ARFGEF1: variants seen among roughly 807,000 people sequenced by gnomAD.
The protein encoded by ARFGEF1 is brefeldin A-inhibited guanine nucleotide-exchange protein 1.
Under a neutral mutation model 231.0 loss-of-function variants are expected in ARFGEF1, and 42 were observed. The observed-to-expected ratio is 0.18, with a 90% CI of 0.14 to 0.24. The LOEUF (loss-of-function observed/expected upper bound fraction) is 0.24. Among genes scored for constraint, ARFGEF1 ranks in the 10% least tolerant of loss-of-function variants. The pLI, the probability that ARFGEF1 is intolerant of heterozygous loss-of-function variation, is 1.00. For synonymous variants in ARFGEF1, 710 were observed against 732.3 expected (o/e 0.97, Z 0.49); for missense variants, 1,345 against 2,192.0 (o/e 0.61, Z 7.72).
chr8:67,313,135 C>T (rs977290955), intron 1 of ARFGEF1, among the ~76,000 whole-genome samples: 3 of 152,126 alleles, frequency 2.0e-5, no homozygotes, highest in Admixed American at 6.6e-5. Flanking sequence ...ATAGTGTGCA[C>T]CTGGAATCCC....
chr8:67,288,995 C>T (rs773755896), intron 6 of ARFGEF1, among the ~76,000 whole-genome samples: 3 of 151,860 alleles, frequency 2.0e-5, no homozygotes, highest in Non-Finnish European at 2.9e-5. Context: ...CAGATAACTG[C>T]CAATCGAACT....
rs1838757775 is a variant in ARFGEF1 at position 67,211,684 on chromosome 8, ACGCTATTTTAAAAAATTATATTATGT to A, written c.4687-95_4687-70del. The A allele has an allele frequency of 6.1e-6, 6 of 988,356 alleles. No individual in the cohort carries two copies. The East Asian group carries it at 1.8e-4, about 30-fold the overall frequency. 61.2% of individuals were successfully genotyped at this position (988,356 alleles called of 1,614,324 possible). A position where few individuals can be genotyped will look rare whatever the true frequency, so the allele number is the denominator to read the frequency against. On this transcript the variant is annotated intron_variant, in intron 33 of 38. Transcript: ENST00000262215. ...TTTATGGGTGAAAATATTTTCTAAA[ACGCTATTTTAAAAAATTATATTATGT>A]CCCTATGAAAATGATGTTTTACACA... is the stretch of plus-strand genomic sequence containing the variant.
intron 17 of ARFGEF1, among the ~76,000 whole-genome samples, chr8:67,254,315 T>G (rs185123331): frequency 6.6e-6 from 1 of 152,154 alleles, no homozygotes; most frequent in Admixed American, 6.5e-5. Context: ...GAAACCTAGA[T>G]AGATAAAACC....
intron 20 of ARFGEF1, among the ~76,000 whole-genome samples, 192 bp from the exon 21 acceptor site, chr8:67,239,085 C>T (rs941980825): frequency 2.6e-5 from 4 of 152,006 alleles, no homozygotes; most frequent in Admixed American, 1.3e-4. Flanking sequence ...CGGCTCACTG[C>T]GACCTCCGCC....
At chr8:67,259,608 T>C in intron 15 of ARFGEF1, among the ~76,000 whole-genome samples, 1 of 151,858 alleles carries the variant, frequency 6.6e-6, no homozygotes, top group Admixed American at 6.5e-5. Flanking sequence ...TATTATTAAC[T>C]TAAAAAAGAA....
At chr8:67,194,776 A>G (rs866711904), downstream of ARFGEF1, among the ~76,000 whole-genome samples, 5 of 152,264 alleles carry the variant, frequency 3.3e-5, no homozygotes, top group Middle Eastern at 0.01. Context: ...TAAAATACAG[A>G]TAGAAGTTGC....
At chr8:67,283,443 A>T (rs976253337) in intron 7 of ARFGEF1, among the ~76,000 whole-genome samples, 1 of 152,164 alleles carries the variant, frequency 6.6e-6, no homozygotes, top group Non-Finnish European at 1.5e-5. Flanking sequence ...AAAAAGGCAG[A>T]TTATCAAACT....
chr8:67,282,452 A>T (rs1037250533), intron 7 of ARFGEF1, among the ~76,000 whole-genome samples: 4 of 152,194 alleles, frequency 2.6e-5, no homozygotes, highest in African/African-American at 9.6e-5. Flanking sequence ...TGTATTTTAT[A>T]ATCTTAGGGT....
intron 33 of ARFGEF1, among the ~76,000 whole-genome samples, chr8:67,213,325 T>C (rs1405717323): frequency 6.6e-6 from 1 of 152,198 alleles, no homozygotes; most frequent in Non-Finnish European, 1.5e-5. Context: ...GACCTGTAGA[T>C]TAAATAAGAG....
chr8:67,271,782 G>C lies in ARFGEF1; in HGVS notation c.1492C>G (p.Pro498Ala). ...ALSKNGVSSV[P>A]EVFELSLSIF... ...GAAAGAGAAAGCTCAAAAACCTCTGGAACAGATGAGACTCCATTTTTTGAG... is the reference window on the plus strand; with the variant it reads ...GAAAGAGAAAGCTCAAAAACCTCTGCAACAGATGAGACTCCATTTTTTGAG... Residue 498 changes from proline (P) to alanine (A), a missense_variant, in exon 10 of 39, where the codon CCA becomes GCA. By Grantham distance (27) the Pro-to-Ala change is conservative (BLOSUM62 -1). Transcript: ENST00000262215. 6.2e-7 allele frequency: 1 copy of C among 1,613,780 alleles called. No homozygotes were observed. The highest frequency in any genetic ancestry group is 8.5e-7 in the Non-Finnish European group (1 of 1,179,848).
chr8:67,264,026 G>C (rs765362477), intron 14 of ARFGEF1, among the ~76,000 whole-genome samples: 1 of 152,126 alleles, frequency 6.6e-6, no homozygotes, highest in African/African-American at 2.4e-5. Context: ...AAAGTGAGGT[G>C]AGACAGAAAA....
At chr8:67,239,102 G>A (rs1189859102) in intron 20 of ARFGEF1, among the ~76,000 whole-genome samples, 1 of 151,888 alleles carries the variant, frequency 6.6e-6, no homozygotes, top group East Asian at 1.9e-4. Flanking sequence ...CGCCTCCCAG[G>A]TTCACATGAT....
chr8:67,301,081 A>T, intron 3 of ARFGEF1, 143 bp downstream of exon 3: 1 of 738,554 alleles, frequency 1.4e-6, no homozygotes, highest in South Asian at 2.4e-5. Flanking sequence ...TATCTGTCTT[A>T]AATATAAAAA....
intron 7 of ARFGEF1, among the ~76,000 whole-genome samples, chr8:67,287,044 A>G (rs986512359): frequency 6.6e-6 from 1 of 152,204 alleles, no homozygotes; most frequent in Non-Finnish European, 1.5e-5. Context: ...CCTGTGCAGG[A>G]AAGAGGTAAC....
chr8:67,194,785 G>A (rs1040410545), downstream of ARFGEF1, among the ~76,000 whole-genome samples: 2 of 151,930 alleles, frequency 1.3e-5, no homozygotes, highest in African/African-American at 2.4e-5. Flanking sequence ...GATAGAAGTT[G>A]CGTACAATCA....
Position 67,191,029 on chromosome 8 carries a change from A to G in ARFGEF1, c.560+9367T>C, listed in dbSNP as rs139357646. Among the ~76,000 whole-genome samples the G allele has an allele frequency of 1.5e-3, 233 of 152,332 alleles. 1 individual carries two copies. Among genetic ancestry groups the G allele is most frequent in the African/African-American group, 5.3e-3 (219 of 41,580 alleles). ...AACCTTCCTTCTTCTCCTGCAGAAT[A>G]TATGGATTTCAGAGAGGCACAAGAA... On this transcript the variant is annotated intron_variant, in intron 5 of 5. Coordinates refer to the ARFGEF1 transcript ENST00000518789.
chr8:67,260,788 C>G (rs1397944421), intron 14 of ARFGEF1, among the ~76,000 whole-genome samples: 2 of 152,168 alleles, frequency 1.3e-5, no homozygotes, highest in Non-Finnish European at 1.5e-5. Context: ...AGGCTGAAAG[C>G]TAGGTCTCTT....
intron 1 of ARFGEF1, among the ~76,000 whole-genome samples, chr8:67,341,248 C>A (rs1265406315): frequency 6.6e-6 from 1 of 151,908 alleles, no homozygotes; most frequent in African/African-American, 2.4e-5. Flanking sequence ...TTGATACTTA[C>A]AATTTAATGT....
chr8:67,242,397 G>A (rs537509679), intron 19 of ARFGEF1, among the ~76,000 whole-genome samples: 1 of 152,358 alleles, frequency 6.6e-6, no homozygotes, highest in South Asian at 2.1e-4. Context: ...GCACCAGGCA[G>A]AGGTGTGAGG....
Sources: allele counts gnomAD v4.1 joint callset (sites outside exome capture counted in the v4.1 genomes callset), GRCh38; gene constraint gnomAD v4.1.1; transcripts MANE v1.5; gene names NCBI Gene and HGNC (gene_info 2026-07-23, HGNC 2026-07-21).